KMT2C: variants seen among roughly 807,000 people sequenced by gnomAD.
The protein encoded by KMT2C is lysine methyltransferase 2C, also known as histone-lysine N-methyltransferase 2C.
Under a neutral mutation model 507.9 loss-of-function variants are expected in KMT2C, and 88 were observed. That is an observed-to-expected ratio of 0.17 (90% CI 0.15 to 0.21). The LOEUF (loss-of-function observed/expected upper bound fraction) is 0.21. Ranked by LOEUF, KMT2C falls within the 10% of genes least tolerant of loss-of-function variation. The pLI is 1.00. For synonymous variants in KMT2C, 2,049 were observed against 2,080.8 expected (o/e 0.98, Z 0.42); for missense variants, 4,954 against 5,957.8 (o/e 0.83, Z 5.55).
At chr7:152,355,707 G>A (rs1324473873) in intron 2 of KMT2C, among the ~76,000 whole-genome samples, 2 of 152,172 alleles carry the variant, frequency 1.3e-5, no homozygotes, top group African/African-American at 2.4e-5. Flanking sequence ...TGGGCAATAT[G>A]AGATCATTAC....
At chr7:152,328,891 T>A (rs1001909523) in intron 3 of KMT2C, among the ~76,000 whole-genome samples, 1 of 151,920 alleles carries the variant, frequency 6.6e-6, no homozygotes, top group Admixed American at 6.6e-5. Flanking sequence ...AATGAGGAAA[T>A]CGTAGGGAGA....
intron 9 of KMT2C, among the ~76,000 whole-genome samples, chr7:152,259,444 GCGCACA>G (rs1413864444): frequency 3.3e-4 from 28 of 85,434 alleles, no homozygotes; most frequent in African/African-American, 1.1e-3. Context: ...ACACACACAC[GCGCACA>G]CACACACACA....
Position 152,163,723 on chromosome 7 carries a change from T to G in KMT2C, c.9854A>C (p.Gln3285Pro). 6.2e-7 allele frequency: 1 copy of G among 1,614,196 alleles called. No individual in the cohort carries two copies. Among genetic ancestry groups the G allele is most frequent in the Middle Eastern group, 1.6e-4 (1 of 6,062 alleles). The change falls in exon 43 of 59, where the codon CAG becomes CCG. Residue 3285 changes from glutamine (Q) to proline (P), a missense_variant. By Grantham distance (76) the Gln-to-Pro change is moderately conservative (BLOSUM62 -1). This residue lies in a region of KMT2C where 801 missense variants were observed against 751.2 expected (regional missense o/e 1.07). Coordinates refer to ENST00000262189, the MANE Select transcript of KMT2C (RefSeq NM_170606.3). ...MAPPTMMPSVQPQPPLIPGAT... is the reference protein window; with the variant it reads ...MAPPTMMPSVPPQPPLIPGAT... ...ACCTGGAATTAGGGGTGGCTGGGGC[T>G]GGACACTGGGCATCATGGTAGGTGG... is the stretch of plus-strand genomic sequence containing the variant.
At chr7:152,169,060 TA>T in intron 41 of KMT2C, 125 bp downstream of exon 41, 4 of 592,984 alleles carry the variant, frequency 6.7e-6, no homozygotes, top group Non-Finnish European at 9.1e-6. Flanking sequence ...CAGTGATGTT[TA>T]ATAAGACAGG....
chr7:152,351,830 A>G, intron 2 of KMT2C, among the ~76,000 whole-genome samples: 1 of 152,124 alleles, frequency 6.6e-6, no homozygotes, highest in Non-Finnish European at 1.5e-5. Flanking sequence ...TAATCCCGTC[A>G]TTTTCATAAG....
chr7:152,408,392 G>A (rs1482314762), intron 1 of KMT2C, among the ~76,000 whole-genome samples: 2 of 152,048 alleles, frequency 1.3e-5, no homozygotes, highest in African/African-American at 4.8e-5. Flanking sequence ...AGGCACTACT[G>A]CTTCAATATA....
chr7:152,335,212 C>T (rs1328229647), intron 2 of KMT2C, among the ~76,000 whole-genome samples: 8 of 152,172 alleles, frequency 5.3e-5, no homozygotes, highest in Admixed American at 4.6e-4. Context: ...GAAAAGAATA[C>T]AGTTCTGCTA....
At chr7:152,255,146 C>CATATATATATATATATATATATATAA (rs1208910877) in intron 9 of KMT2C, among the ~76,000 whole-genome samples, 1 of 63,986 alleles carries the variant, frequency 1.6e-5, no homozygotes, top group Non-Finnish European at 3.0e-5. Flanking sequence ...TATATATATA[C>CATATATATATATATATATATATATAA]ATATATATAT....
Position 152,328,954 on chromosome 7 carries a change from T to G in KMT2C, c.389+1647A>C, listed in dbSNP as rs114227418. On this transcript the variant is annotated intron_variant, in intron 3 of 58. Transcript: ENST00000262189. ...GAATCAAGCATGGTACTGGACATGT[T>G]AAGGGTGAGGTGTCTAATACACTTC... Among the ~76,000 whole-genome samples, 410 of 152,122 alleles carry G rather than the reference T, an allele frequency of 2.7e-3. 3 individuals carry two copies. The highest frequency in any genetic ancestry group is 9.5e-3 in the African/African-American group (395 of 41,498).
chr7:152,153,025 C>T, intron 48 of KMT2C, 71 bp from the exon 49 acceptor site: 2 of 1,552,226 alleles, frequency 1.3e-6, no homozygotes, highest in Non-Finnish European at 8.8e-7. Flanking sequence ...AAAATACACA[C>T]TTAGGATAAA....
At chr7:152,320,432 A>T (rs1035564227) in intron 3 of KMT2C, among the ~76,000 whole-genome samples, 2 of 152,124 alleles carry the variant, frequency 1.3e-5, no homozygotes, top group Non-Finnish European at 2.9e-5. Context: ...TATTTTTAGT[A>T]GAGACGGAGT....
chr7:152,367,153 A>G, intron 1 of KMT2C: 1 of 1,376,006 alleles, frequency 7.3e-7, no homozygotes, highest in Non-Finnish European at 1.0e-6. Context: ...TGGAGAAACG[A>G]GGAAAATTCT....
intron 1 of KMT2C, among the ~76,000 whole-genome samples, chr7:152,362,551 T>C (rs1314447981): frequency 6.6e-6 from 1 of 152,166 alleles, no homozygotes; most frequent in African/African-American, 2.4e-5. Flanking sequence ...AGAGTTTACT[T>C]TTCATCTTTC....
At chr7:152,381,748 C>G (rs982750308) in intron 1 of KMT2C, among the ~76,000 whole-genome samples, 4 of 152,192 alleles carry the variant, frequency 2.6e-5, no homozygotes, top group Non-Finnish European at 5.9e-5. Context: ...CTCCTTCTGA[C>G]ACTGACTGTT....
intron 2 of KMT2C, among the ~76,000 whole-genome samples, chr7:152,357,924 G>A (rs1264093426): frequency 6.6e-6 from 1 of 152,144 alleles, no homozygotes; most frequent in African/African-American, 2.4e-5. Flanking sequence ...CAGAGAAAAA[G>A]CCTATCACTG....
intron 3 of KMT2C, among the ~76,000 whole-genome samples, chr7:152,318,228 A>C (rs2096739700): frequency 6.6e-6 from 1 of 152,176 alleles, no homozygotes; most frequent in Non-Finnish European, 1.5e-5. Flanking sequence ...CCATTACAAT[A>C]ATGTAAACCA....
intron 1 of KMT2C, among the ~76,000 whole-genome samples, chr7:152,409,603 C>A (rs1251110002): frequency 6.7e-6 from 1 of 149,628 alleles, no homozygotes; most frequent in African/African-American, 2.5e-5. Flanking sequence ...TGGTGGCGGG[C>A]GCCTGTAGTC....
At position 152,163,074 on chromosome 7, in the gene KMT2C, G is replaced by A. The variant is rs746562454; in HGVS notation, c.10503C>T (p.Phe3501=). ...CCTGCCTTCGCTCATTAGTCTGCATGAAAGTTTGGGTGGAGGGTGAATTAA... is the reference window on the plus strand; with the variant it reads ...CCTGCCTTCGCTCATTAGTCTGCATAAAAGTTTGGGTGGAGGGTGAATTAA... ...GSINSPSTQT[F]MQTNERRQVG... The change falls in exon 43 of 59, where the codon TTC becomes TTT. Residue 3501 remains phenylalanine (F), a synonymous_variant. Transcript: ENST00000262189. The A allele has an allele frequency of 1.2e-6, 2 of 1,614,134 alleles. No homozygotes were observed. The highest frequency in any genetic ancestry group is 1.7e-6 in the Non-Finnish European group (2 of 1,180,046).
rs1563167901 is a variant in KMT2C, at chr7:152,154,455, C to A, written c.11961-10G>T. The A allele has an allele frequency of 3.1e-6, 5 of 1,609,898 alleles. No individual in the cohort carries two copies. The Admixed American group carries it at 8.3e-5, about 27-fold the overall frequency. Reference sequence around the variant, plus strand: ...ACAGTGATCCTGTATCCTGAAAAAACATAAACACACACATCAAAGTCTGCA... The same window carrying A: ...ACAGTGATCCTGTATCCTGAAAAAAAATAAACACACACATCAAAGTCTGCA... On this transcript the variant is annotated splice_polypyrimidine_tract_variant and intron_variant, in intron 46 of 58. Coordinates refer to ENST00000262189, the MANE Select transcript of KMT2C (RefSeq NM_170606.3).
Sources: gnomAD v4.1 joint callset for allele counts (sites outside exome capture counted in the v4.1 genomes callset) on GRCh38, gnomAD v4.1.1 for gene constraint, gnomAD v4.1.1 regional missense constraint, MANE v1.5 for transcripts, NCBI Gene and HGNC (gene_info 2026-07-23, HGNC 2026-07-21) for gene names.